The following RPS6KC1 variants were observed in gnomAD, a reference collection of about 807,000 sequenced individuals.
The protein encoded by RPS6KC1 is ribosomal protein S6 kinase C1.
In RPS6KC1, 54 loss-of-function variants were observed where a neutral mutation model predicts 103.8. That is an observed-to-expected ratio of 0.52 (90% CI 0.42 to 0.65). The LOEUF is 0.65. Ranked by LOEUF, RPS6KC1 falls within the 30% of genes least tolerant of loss-of-function variation. The pLI, the probability that RPS6KC1 is intolerant of heterozygous loss-of-function variation, is 0.00. For missense variants in RPS6KC1, 1,151 were observed against 1,253.8 expected (o/e 0.92, Z 1.24); for synonymous variants, 439 against 438.7 (o/e 1.00, Z -0.01).
At chr1:213,713,467 G>T in the RPS6KC1 span, among the ~76,000 whole-genome samples, 1 of 152,116 alleles carries the variant, frequency 6.6e-6, no homozygotes, top group African/African-American at 2.4e-5. Context: ...TTTTTAGTAA[G>T]TATTGTTCAT....
the RPS6KC1 span, among the ~76,000 whole-genome samples, chr1:213,337,830 A>T: frequency 6.6e-6 from 1 of 152,196 alleles, no homozygotes; most frequent in Non-Finnish European, 1.5e-5. Context: ...CGTGCAGCGT[A>T]TCATGCTGTA....
chr1:213,435,912 C>T, the RPS6KC1 span, among the ~76,000 whole-genome samples: 2 of 151,794 alleles, frequency 1.3e-5, no homozygotes, highest in Admixed American at 6.6e-5. Flanking sequence ...AGTCTGAATT[C>T]CATCTCCTCA....
At chr1:213,496,460 A>G in the RPS6KC1 span, among the ~76,000 whole-genome samples, 3 of 152,290 alleles carry the variant, frequency 2.0e-5, no homozygotes, top group East Asian at 5.8e-4. Flanking sequence ...CAGAAAGCAT[A>G]AGAAACTTAC....
the RPS6KC1 span, among the ~76,000 whole-genome samples, chr1:213,407,194 A>G: frequency 6.7e-6 from 1 of 149,152 alleles, no homozygotes; most frequent in South Asian, 2.1e-4. Context: ...TATAGAGTGT[A>G]TGTGTAATAT....
At chr1:213,580,233 A>T in the RPS6KC1 span, among the ~76,000 whole-genome samples, 1 of 152,114 alleles carries the variant, frequency 6.6e-6, no homozygotes, top group African/African-American at 2.4e-5. Flanking sequence ...AACACTCACG[A>T]TGACTTTGAG....
chr1:213,233,536 G>A (rs2094151224), intron 10 of RPS6KC1, among the ~76,000 whole-genome samples: 1 of 152,082 alleles, frequency 6.6e-6, no homozygotes, highest in Admixed American at 6.5e-5. Context: ...TATTCATGTT[G>A]GAGATTATCT....
intron 8 of RPS6KC1, among the ~76,000 whole-genome samples, chr1:213,178,241 TA>T (rs1393839011): frequency 2.1e-5 from 3 of 145,814 alleles, no homozygotes; most frequent in South Asian, 2.2e-4. Context: ...ATCAAGTCTT[TA>T]AAAAAAAAGG....
chr1:213,193,589 A>G (rs903399972), intron 8 of RPS6KC1, among the ~76,000 whole-genome samples: 7 of 151,566 alleles, frequency 4.6e-5, no homozygotes, highest in African/African-American at 1.7e-4. Flanking sequence ...TCTGAAGTAT[A>G]TGTCTGATGC....
the RPS6KC1 span, among the ~76,000 whole-genome samples, chr1:213,285,188 C>T: frequency 3.3e-5 from 5 of 152,146 alleles, no homozygotes; most frequent in East Asian, 1.9e-4. Flanking sequence ...TTGTAGACGC[C>T]GGCTTGCTGT....
chr1:213,343,427 A>G, the RPS6KC1 span, among the ~76,000 whole-genome samples: 2 of 60,936 alleles, frequency 3.3e-5, no homozygotes, highest in Admixed American at 2.1e-4. Flanking sequence ...ATATATATAT[A>G]TATATATATA....
intron 12 of RPS6KC1, among the ~76,000 whole-genome samples, chr1:213,250,521 C>T (rs1005813629): frequency 3.3e-4 from 50 of 152,044 alleles, no homozygotes; most frequent in Non-Finnish European, 1.3e-4. Flanking sequence ...AAAGGATGGG[C>T]TAGGAAATGA....
At chr1:213,442,733 T>C in the RPS6KC1 span, among the ~76,000 whole-genome samples, 56 of 152,324 alleles carry the variant, frequency 3.7e-4, 1 homozygote, top group South Asian at 9.3e-3. Context: ...TGGACTTCCA[T>C]GGGGTTGTTT....
the RPS6KC1 span, among the ~76,000 whole-genome samples, chr1:213,724,144 G>A: frequency 6.6e-6 from 1 of 152,188 alleles, no homozygotes; most frequent in African/African-American, 2.4e-5. Flanking sequence ...CTGGAGTGCA[G>A]TGGTGTGATC....
At chr1:213,248,690 C>T (rs1357951255) in intron 12 of RPS6KC1, among the ~76,000 whole-genome samples, 1 of 152,184 alleles carries the variant, frequency 6.6e-6, no homozygotes, top group East Asian at 1.9e-4. Context: ...ATGCTGGAAT[C>T]CATGGGCCAG....
At chr1:213,826,765 C>G in the RPS6KC1 span, among the ~76,000 whole-genome samples, 1 of 152,056 alleles carries the variant, frequency 6.6e-6, no homozygotes, top group Non-Finnish European at 1.5e-5. Flanking sequence ...TCAGAACAAC[C>G]CTGGGAAGGG....
the RPS6KC1 span, among the ~76,000 whole-genome samples, chr1:213,713,367 T>G: frequency 6.6e-6 from 1 of 152,242 alleles, no homozygotes; most frequent in East Asian, 1.9e-4. Flanking sequence ...CTTTGTGATC[T>G]CGCTTCACAG....
chr1:213,362,434 A>G, the RPS6KC1 span, among the ~76,000 whole-genome samples: 1 of 152,156 alleles, frequency 6.6e-6, no homozygotes, highest in Non-Finnish European at 1.5e-5. Flanking sequence ...CATTAATTCT[A>G]TGAGATAGAA....
At chr1:213,091,537 CTT>C (rs2080966768) in intron 3 of RPS6KC1, among the ~76,000 whole-genome samples, 1 of 152,108 alleles carries the variant, frequency 6.6e-6, no homozygotes, top group African/African-American at 2.4e-5. Flanking sequence ...TTGAATATAT[CTT>C]TTACCTGGGC....
the RPS6KC1 span, among the ~76,000 whole-genome samples, chr1:213,509,613 G>A: frequency 2.6e-5 from 4 of 152,104 alleles, no homozygotes; most frequent in Admixed American, 6.6e-5. Flanking sequence ...TCTTAGCAGC[G>A]ACTTGGGCTC....
Sources: gnomAD v4.1 joint callset for allele counts (sites outside exome capture counted in the v4.1 genomes callset) on GRCh38, gnomAD v4.1.1 for gene constraint, MANE v1.5 for transcripts, NCBI Gene and HGNC (gene_info 2026-07-23, HGNC 2026-07-21) for gene names.